The following FBN2 variants were observed in gnomAD, a reference collection of about 807,000 sequenced individuals.
FBN2 encodes fibrillin 2.
A neutral mutation model predicts 355.6 loss-of-function variants in FBN2; 105 were observed. The ratio of observed to expected loss-of-function variants is 0.30; its 90% CI spans 0.25 to 0.35. The LOEUF is 0.35. Ranked by LOEUF, FBN2 falls within the 10% of genes least tolerant of loss-of-function variation. FBN2 has a pLI of 1.00. For missense variants in FBN2, 3,280 were observed against 3,758.7 expected (o/e 0.87, Z 3.33); for synonymous variants, 1,350 against 1,301.2 (o/e 1.04, Z -0.81).
At position 128,449,334 on chromosome 5, in the gene FBN2, G is replaced by A. The variant is rs866447984; in HGVS notation, c.827-2728C>T. Reference sequence around the variant, plus strand: ...TTATACAGTATACTATATAGTATACGTATAATTACATAGTATACTATATAG... The same window carrying A: ...TTATACAGTATACTATATAGTATACATATAATTACATAGTATACTATATAG... On this transcript the variant is annotated intron_variant, in intron 6 of 64. Coordinates refer to ENST00000262464, the MANE Select transcript of FBN2 (RefSeq NM_001999.4). Among the ~76,000 whole-genome samples, 30 of 143,402 alleles carry A rather than the reference G, an allele frequency of 2.1e-4. No homozygotes were observed. In the South Asian group the frequency reaches 3.5e-3, roughly 17 times the overall value. The allele number at this position is 143,402 out of a possible 152,430, so 94.1% of individuals were successfully genotyped here. A position where few individuals can be genotyped will look rare whatever the true frequency, so the allele number is the denominator to read the frequency against.
In FBN2 at chr5:128,304,897, T is replaced by C. The variant is rs1047693510; in HGVS notation, c.5800+60A>G. ...AGTTACTCATGGCACTTGATGGAAC[T>C]GTGATCTGTTCTGGAACCCCAGCCC... On this transcript the variant is annotated intron_variant, in intron 45 of 64. Transcript: ENST00000262464. 76 of 1,608,966 alleles carry C rather than the reference T, an allele frequency of 4.7e-5. No individual in the cohort carries two copies. The African/African-American group carries it at 8.3e-4, about 18-fold the overall frequency.
At chr5:128,441,040 G>A (rs972195611) in intron 7 of FBN2, among the ~76,000 whole-genome samples, 2 of 151,972 alleles carry the variant, frequency 1.3e-5, no homozygotes, top group East Asian at 1.9e-4. Context: ...AATCCCTGAC[G>A]ATACAAATAA....
chr5:128,537,843 G>A lies in FBN2; in HGVS notation c.-240C>T. On this transcript the variant is annotated 5_prime_UTR_variant, in exon 1 of 65. Coordinates refer to ENST00000262464, the MANE Select transcript of FBN2 (RefSeq NM_001999.4). Reference sequence around the variant, plus strand: ...CAGTGAGCGGCGAGGCGCGGCGGAGGTGCAGCCGGCAGCCCCGAGCGGTAC... The same window carrying A: ...CAGTGAGCGGCGAGGCGCGGCGGAGATGCAGCCGGCAGCCCCGAGCGGTAC... The A allele has an allele frequency of 3.4e-6, 2 of 594,064 alleles. No individual in the cohort carries two copies. The highest frequency in any genetic ancestry group is 6.0e-6 in the Non-Finnish European group (2 of 333,992). 36.8% of individuals were successfully genotyped at this position (594,064 alleles called of 1,614,324 possible).
rs371692018 is a variant in FBN2, at chr5:128,408,665, G to C, written c.1078+9C>G. The C allele has an allele frequency of 6.2e-7, 1 of 1,613,812 alleles. No individual in the cohort carries two copies. The highest frequency in any genetic ancestry group is 8.5e-7 in the Non-Finnish European group (1 of 1,179,834). Reference sequence around the variant, plus strand: ...CCAGTGTATTGAGCCTTCAAAATGCGAGGCTTACCGATGCATCGAGAGCCA... The same window carrying C: ...CCAGTGTATTGAGCCTTCAAAATGCCAGGCTTACCGATGCATCGAGAGCCA... On this transcript the variant is annotated intron_variant, in intron 8 of 64. Transcript: ENST00000262464.
At chr5:128,331,029 A>G (rs1254003151) in intron 32 of FBN2, among the ~76,000 whole-genome samples, 1 of 152,234 alleles carries the variant, frequency 6.6e-6, no homozygotes, top group East Asian at 1.9e-4. Context: ...ATCAATTCTG[A>G]AGGTGATACT....
chr5:128,326,103 A>C (rs2126883363), intron 34 of FBN2, among the ~76,000 whole-genome samples: 1 of 152,336 alleles, frequency 6.6e-6, no homozygotes, highest in South Asian at 2.1e-4. Flanking sequence ...GAATGCCTGC[A>C]TAGTTGCTAC....
chr5:128,393,785 A>AT (rs1183934930), intron 9 of FBN2, among the ~76,000 whole-genome samples: 34 of 151,854 alleles, frequency 2.2e-4, no homozygotes, highest in Admixed American at 2.2e-3. Flanking sequence ...TTTCCTGTCC[A>AT]TTTTTTTTCA....
chr5:128,505,929 T>C (rs1162190709), intron 5 of FBN2, among the ~76,000 whole-genome samples: 1 of 152,206 alleles, frequency 6.6e-6, no homozygotes, highest in Non-Finnish European at 1.5e-5. Flanking sequence ...ATAAGGCTGC[T>C]ACAAAGCCTT....
At chr5:128,361,991 C>T (rs1020453217) in intron 18 of FBN2, 143 bp from the exon 19 acceptor site, 1 of 817,392 alleles carries the variant, frequency 1.2e-6, no homozygotes. Context: ...ACTCTTCATC[C>T]TAAGCAAAAT....
At chr5:128,293,895 G>T (rs1288673114) in intron 48 of FBN2, among the ~76,000 whole-genome samples, 1 of 151,922 alleles carries the variant, frequency 6.6e-6, no homozygotes, top group Non-Finnish European at 1.5e-5. Flanking sequence ...GTGCAGGTTA[G>T]TTACATATGT....
Position 128,335,274 on chromosome 5 carries a change from T to C in FBN2, c.3869A>G (p.Asn1290Ser), listed in dbSNP as rs747182286. The C allele has an allele frequency of 1.2e-6, 2 of 1,614,186 alleles. No homozygotes were observed. The highest frequency in any genetic ancestry group is 1.7e-6 in the Non-Finnish European group (2 of 1,179,994). ...CTGGCCGCCATCACAGATATCAGGA[T>C]TGTTTTCACATTCATCAATGTCTGA... ...SCADIDECEN[N>S]PDICDGGQCT... The change falls in exon 30 of 65, where the codon AAT becomes AGT. Residue 1290 changes from asparagine (N) to serine (S), a missense_variant. Transcript: ENST00000262464.
chr5:128,366,242 C>T (rs966449278), intron 17 of FBN2, 135 bp downstream of exon 17: 48 of 476,538 alleles, frequency 1.0e-4, no homozygotes, highest in Admixed American at 4.6e-4. Context: ...ATAACCACTG[C>T]TCTAGGAGAT....
intron 28 of FBN2, 33 bp downstream of exon 28, chr5:128,335,955 T>C (rs370722156): frequency 2.7e-5 from 44 of 1,612,174 alleles, no homozygotes; most frequent in South Asian, 4.4e-5. Context: ...ATTTGAGACA[T>C]ATGAGTTTCA....
In FBN2 at chr5:128,408,516, C is replaced by G. The variant is rs538311132; in HGVS notation, c.1078+158G>C. Among the ~76,000 whole-genome samples the G allele has an allele frequency of 2.0e-5, 3 of 152,254 alleles. No individual in the cohort carries two copies. The East Asian group carries it at 5.8e-4, about 29-fold the overall frequency. ...AAACTGAAGTCTTTGCAAAGAGTACCTGGTCTATCAATCCCTCAATACTGG... is the reference window on the plus strand; with the variant it reads ...AAACTGAAGTCTTTGCAAAGAGTACGTGGTCTATCAATCCCTCAATACTGG... On this transcript the variant is annotated intron_variant, in intron 8 of 64. Coordinates refer to ENST00000262464, the MANE Select transcript of FBN2 (RefSeq NM_001999.4).
At chr5:128,531,899 C>A (rs1311598362) in intron 2 of FBN2, among the ~76,000 whole-genome samples, 2 of 152,006 alleles carry the variant, frequency 1.3e-5, no homozygotes, top group Non-Finnish European at 2.9e-5. Flanking sequence ...AATCCTAAAT[C>A]TTTAATTGTC....
intron 2 of FBN2, among the ~76,000 whole-genome samples, chr5:128,534,619 C>T (rs996804506): frequency 6.6e-6 from 1 of 152,182 alleles, no homozygotes; most frequent in Non-Finnish European, 1.5e-5. Context: ...TCCAATGTAG[C>T]TCATAACCAT....
At chr5:128,423,141 C>G (rs1753396118) in intron 7 of FBN2, among the ~76,000 whole-genome samples, 2 of 151,972 alleles carry the variant, frequency 1.3e-5, no homozygotes, top group Non-Finnish European at 2.9e-5. Flanking sequence ...GGAAAGACTT[C>G]CCTGGGAAAG....
chr5:128,260,390 A>C (rs1318913233), intron 64 of FBN2, among the ~76,000 whole-genome samples: 1 of 152,210 alleles, frequency 6.6e-6, no homozygotes, highest in Non-Finnish European at 1.5e-5. Context: ...TCAAACCAGC[A>C]TCTTTGGTAA....
intron 5 of FBN2, among the ~76,000 whole-genome samples, chr5:128,508,129 C>T (rs1036465242): frequency 7.2e-5 from 11 of 152,104 alleles, no homozygotes; most frequent in African/African-American, 2.4e-4. Context: ...TTTCTTTTTA[C>T]ATCTTTTAGG....
Sources: gnomAD v4.1 joint callset for allele counts (sites outside exome capture counted in the v4.1 genomes callset) on GRCh38, gnomAD v4.1.1 for gene constraint, MANE v1.5 for transcripts, NCBI Gene and HGNC (gene_info 2026-07-23, HGNC 2026-07-21) for gene names.